Variants in DNAH17 observed in about 807,000 individuals in gnomAD.
DNAH17 encodes the protein axonemal beta dynein heavy chain 17.
DNAH17 carries 376 observed loss-of-function variants against 485.6 expected under a neutral mutation model. The ratio of observed to expected loss-of-function variants is 0.77; its 90% CI spans 0.71 to 0.84. The LOEUF is 0.84. DNAH17 is among the 40% of genes least tolerant of loss of function. The probability of loss-of-function intolerance (pLI) is 0.00; values close to 1 mark genes in which losing one functional copy is unlikely to be tolerated. For synonymous variants in DNAH17, 3,031 were observed against 2,405.9 expected, an observed-to-expected ratio of 1.26 and a Z score of -7.60; for missense variants, 6,370 against 5,839.3, an observed-to-expected ratio of 1.09 and a Z score of -2.96.
At position 78,492,681 on chromosome 17, in the gene DNAH17, C is replaced by T. The variant is rs368923971; in HGVS notation, c.6493G>A (p.Asp2165Asn). The change falls in exon 42 of 81, where the codon GAC (aspartate) becomes AAC (asparagine). Residue 2165 changes from aspartate (D) to asparagine (N), a missense_variant. Physicochemically the swap from Asp to Asn is conservative, Grantham distance 23 (BLOSUM62 1). Transcript: ENST00000389840. ...GGGTTGATGATGCCAAAGAGCTCGTCGCAGGTGACGGCCTTGGGGTCCAGG... is the reference window on the plus strand; with the variant it reads ...GGGTTGATGATGCCAAAGAGCTCGTTGCAGGTGACGGCCTTGGGGTCCAGG... ...VDLDPKAVTC[D>N]ELFGIINPVT... 9.6e-5 allele frequency: 155 copies of T among 1,613,618 alleles called. No homozygotes were observed. The highest frequency in any genetic ancestry group is 8.9e-4 in the African/African-American group (67 of 74,996).
At position 78,444,609 on chromosome 17, in the gene DNAH17, AGC is replaced by A; in HGVS notation, c.11521_11522del (p.Ala3841TyrfsTer20). ...CGGCGCGGCGGGACACTCACTTGAT[AGC>A]GTAGGTCATGCGATCTGGCCGCAGG... ...RCLRPDRMTY[A>X]IKNFVEEKMG... On this transcript the variant is annotated frameshift_variant, in exon 71 of 81. Transcript: ENST00000389840. LOFTEE classifies it high-confidence loss of function. 6.4e-7 allele frequency: 1 copy of A among 1,559,334 alleles called. No homozygotes were observed. The highest frequency in any genetic ancestry group is 8.7e-7 in the Non-Finnish European group (1 of 1,153,270).
In DNAH17 at chr17:78,466,919, G is replaced by A. The variant is rs114150876; in HGVS notation, c.8779-103C>T. ...CTGCCAGAAAGCAACGCGCCCTGCC[G>A]GGCTCAGCCGCCCAGGGCCTGGGCA... On this transcript the variant is annotated intron_variant, in intron 55 of 80. Coordinates refer to ENST00000389840, the MANE Select transcript of DNAH17 (RefSeq NM_173628.4). 2,855 of 1,294,230 alleles carry A rather than the reference G, an allele frequency of 2.2e-3. 49 individuals carry two copies. The African/African-American group carries it at 0.035, about 16-fold the overall frequency. The allele number at this position is 1,294,230 out of a possible 1,614,324, so 80.2% of individuals were successfully genotyped here.
chr17:78,494,986 G>A lies in DNAH17; in HGVS notation c.6015C>T (p.Thr2005=), dbSNP rs768549322. The A allele has an allele frequency of 3.1e-6, 5 of 1,613,166 alleles. No individual in the cohort carries two copies. Among genetic ancestry groups the A allele is most frequent in the East Asian group, 2.2e-5 (1 of 44,854 alleles). The part of the protein sequence containing the change: ...LLARKFITLY[T]LCKELLSKQD... ...GCTTCGAGAGCAGCTCCTTGCACAA[G>A]GTGTACAGGGTGATGAACTTCCTGG... is the stretch of plus-strand genomic sequence containing the variant. Residue 2005 remains threonine, a synonymous_variant, in exon 39 of 81, where the codon ACC becomes ACT. Coordinates refer to ENST00000389840, the MANE Select transcript of DNAH17 (RefSeq NM_173628.4).
chr17:78,441,495 C>T lies in DNAH17; in HGVS notation c.11529-296G>A, dbSNP rs372975596. ...CTTGGAAGGCACCCAGGGTCAACTG[C>T]GGGGGGTGGGGGCGCTGAGAAGGAA... On this transcript the variant is annotated intron_variant, in intron 71 of 80. Coordinates refer to ENST00000389840, the MANE Select transcript of DNAH17 (RefSeq NM_173628.4). Among the ~76,000 whole-genome samples the T allele has an allele frequency of 6.6e-5, 10 of 151,922 alleles. No homozygotes were observed. The South Asian group carries it at 8.3e-4, about 13-fold the overall frequency.
At chr17:78,558,397 G>A (rs143174414) in intron 13 of DNAH17, 143 bp from the exon 14 acceptor site, 1 of 1,034,496 alleles carries the variant, frequency 9.7e-7, no homozygotes, top group Non-Finnish European at 1.4e-6. Flanking sequence ...GTATTTGTTG[G>A]CAGGACCAGG....
chr17:78,560,695 C>A (rs182987220), intron 13 of DNAH17, 45 bp downstream of exon 13: 31 of 1,500,600 alleles, frequency 2.1e-5, no homozygotes, highest in Non-Finnish European at 2.6e-5. Context: ...GCCCTCCCCC[C>A]GCTCCCAAGG....
chr17:78,542,760 G>C (rs1001105199), intron 17 of DNAH17, among the ~76,000 whole-genome samples: 1 of 152,204 alleles, frequency 6.6e-6, no homozygotes, highest in Non-Finnish European at 1.5e-5. Context: ...AGCAAAGCAG[G>C]CGTGCATTAT....
At position 78,546,600 on chromosome 17, in the gene DNAH17, T is replaced by C. The variant is rs566880491; in HGVS notation, c.2392-2603A>G. On this transcript the variant is annotated intron_variant, in intron 16 of 80. Coordinates refer to ENST00000389840, the MANE Select transcript of DNAH17 (RefSeq NM_173628.4). ...GTTTATTAAGTCTTTTAAATGTTTCTCTAATTTTGGAAATAAAAATTGCAG... is the reference window on the plus strand; with the variant it reads ...GTTTATTAAGTCTTTTAAATGTTTCCCTAATTTTGGAAATAAAAATTGCAG... 3.9e-5 allele frequency among the ~76,000 whole-genome samples: 6 copies of C among 152,322 alleles called. No individual in the cohort carries two copies. In the South Asian group the frequency reaches 1.0e-3, roughly 26 times the overall value.
intron 72 of DNAH17, 46 bp from the exon 73 acceptor site, chr17:78,439,263 C>T (rs1418825945): frequency 1.9e-6 from 3 of 1,574,582 alleles, no homozygotes. Context: ...AATTAAATGA[C>T]ACAGGTTCAG....
At position 78,551,629 on chromosome 17, in the gene DNAH17, T is replaced by C. The variant is rs571377665; in HGVS notation, c.2297A>G (p.Gln766Arg). The C allele has an allele frequency of 6.8e-5, 109 of 1,613,936 alleles. No individual in the cohort carries two copies. The highest frequency in any genetic ancestry group is 9.1e-5 in the Non-Finnish European group (107 of 1,179,830). ...AATTTCTCGCACCTCTTGAATGTAC[T>C]GAAACACACCTAAAATGGAAATGTA... ...TLFWNGEGVF[Q>R]YIQEVREILH... The change falls in exon 16 of 81, where the codon CAG (glutamine) becomes CGG (arginine). Residue 766 changes from glutamine to arginine, a missense_variant. Transcript: ENST00000389840.
At chr17:78,551,855 C>T (rs914399800) in intron 15 of DNAH17, among the ~76,000 whole-genome samples, 3 of 151,640 alleles carry the variant, frequency 2.0e-5, no homozygotes, top group Admixed American at 6.6e-5. Flanking sequence ...CCCAGCTACT[C>T]GGGAGGCTGA....
chr17:78,502,907 C>G lies in DNAH17; in HGVS notation c.5061G>C (p.Trp1687Cys). The G allele has an allele frequency of 1.2e-6, 2 of 1,613,982 alleles. No individual in the cohort carries two copies. Among genetic ancestry groups the G allele is most frequent in the African/African-American group, 1.3e-5 (1 of 75,034 alleles). Reference protein sequence around the residue: ...VTYEEKPREQWILDYPAQVAL... With the variant: ...VTYEEKPREQCILDYPAQVAL... ...AGACCTGGGCTGGGTAGTCCAGGAT[C>G]CACTGCTCCCTCGGCTTCTCTTCGT... The change falls in exon 32 of 81, where the codon TGG (tryptophan) becomes TGC (cysteine). Residue 1687 changes from tryptophan (W) to cysteine (C), a missense_variant. Physicochemically the swap from Trp to Cys is radical, Grantham distance 215. Coordinates refer to ENST00000389840, the MANE Select transcript of DNAH17 (RefSeq NM_173628.4).
At chr17:78,476,185 T>C (rs1253054880) in intron 52 of DNAH17, among the ~76,000 whole-genome samples, 1 of 152,040 alleles carries the variant, frequency 6.6e-6, no homozygotes, top group Non-Finnish European at 1.5e-5. Context: ...TACTGAGCAC[T>C]CAATTCCTCC....
At chr17:78,433,134 G>A (rs960828277) in intron 75 of DNAH17, among the ~76,000 whole-genome samples, 1 of 152,214 alleles carries the variant, frequency 6.6e-6, no homozygotes, top group Non-Finnish European at 1.5e-5. Flanking sequence ...GGAGGACCCA[G>A]GGTTTATAGG....
Position 78,572,988 on chromosome 17 carries a change from G to T in DNAH17, c.346-94C>A, listed in dbSNP as rs979281851. 3.4e-6 allele frequency: 4 copies of T among 1,164,866 alleles called. No individual in the cohort carries two copies. In the African/African-American group the frequency reaches 6.5e-5, roughly 19 times the overall value. The allele number at this position is 1,164,866 out of a possible 1,614,324, so 72.2% of individuals were successfully genotyped here. ...GTCCCCGGGGGGTTCCAAAGACCCG[G>T]TGTCTGGAGCCCTGGGAAAACTGGG... On this transcript the variant is annotated intron_variant, in intron 2 of 80. Transcript: ENST00000389840.
At chr17:78,565,525 G>T (rs765591816) in intron 11 of DNAH17, among the ~76,000 whole-genome samples, 2 of 152,184 alleles carry the variant, frequency 1.3e-5, no homozygotes, top group Non-Finnish European at 2.9e-5. Flanking sequence ...ACCAGCCCAG[G>T]CTGCCCAGGC....
rs1250610248 is a variant in DNAH17 at position 78,468,016 on chromosome 17, C to CAA, written c.8778+599_8778+600dup. On this transcript the variant is annotated intron_variant, in intron 55 of 80. Coordinates refer to ENST00000389840, the MANE Select transcript of DNAH17 (RefSeq NM_173628.4). ...CTGGGCGACAAGTGAAACTCCATCT[C>CAA]AAAAAAAAAAAAAAAAAGAGAGAGA... Among the ~76,000 whole-genome samples, 269 of 88,502 alleles carry CAA rather than the reference C, an allele frequency of 3.0e-3. 1 individual carries two copies. Among genetic ancestry groups the CAA allele is most frequent in the African/African-American group, 5.7e-3 (131 of 22,834 alleles). 58.1% of individuals were successfully genotyped at this position (88,502 alleles called of 152,430 possible). A position where few individuals can be genotyped will look rare whatever the true frequency, so the allele number is the denominator to read the frequency against.
chr17:78,531,769 G>T (rs1300348884), intron 20 of DNAH17, among the ~76,000 whole-genome samples: 1 of 152,308 alleles, frequency 6.6e-6, no homozygotes, highest in South Asian at 2.1e-4. Flanking sequence ...TTTCTTCTAA[G>T]CAGCATATAT....
intron 48 of DNAH17, among the ~76,000 whole-genome samples, chr17:78,484,089 TCTC>T (rs1427649386): frequency 1.1e-3 from 123 of 107,524 alleles, no homozygotes; most frequent in African/African-American, 5.0e-3. Context: ...GAGCGAGATT[TCTC>T]CTCAAAAAAA....
Sources: allele counts gnomAD v4.1 joint callset (sites outside exome capture counted in the v4.1 genomes callset), GRCh38; gene constraint gnomAD v4.1.1; transcripts MANE v1.5; gene names NCBI Gene and HGNC (gene_info 2026-07-23, HGNC 2026-07-21).